Variants in ACBD3 observed in about 807,000 individuals in gnomAD.
ACBD3 encodes the protein Golgi resident protein GCP60.
In ACBD3, 30 loss-of-function variants were observed where a neutral mutation model predicts 66.9. The observed-to-expected ratio is 0.45, with a 90% CI of 0.34 to 0.61. The LOEUF (loss-of-function observed/expected upper bound fraction) is 0.61. ACBD3 is among the 20% of genes least tolerant of loss of function. The pLI, the probability that ACBD3 is intolerant of heterozygous loss-of-function variation, is 0.02. For synonymous variants in ACBD3, 278 were observed against 259.8 expected, an observed-to-expected ratio of 1.07 and a Z score of -0.68; for missense variants, 544 against 664.5, an observed-to-expected ratio of 0.82 and a Z score of 1.99.
At chr1:226,181,709 C>T (rs1048450679) in intron 1 of ACBD3, among the ~76,000 whole-genome samples, 1 of 152,118 alleles carries the variant, frequency 6.6e-6, no homozygotes, top group Non-Finnish European at 1.5e-5. Context: ...AATTATTACT[C>T]TGAAATCTTA....
At chr1:226,176,250 G>A (rs1000004133) in intron 1 of ACBD3, among the ~76,000 whole-genome samples, 27 of 151,930 alleles carry the variant, frequency 1.8e-4, no homozygotes, top group Admixed American at 6.6e-5. Flanking sequence ...ACATGGTGAA[G>A]CCCTGTCTCT....
intron 1 of ACBD3, 39 bp downstream of exon 1, chr1:226,186,351 C>T (rs1388842943): frequency 3.2e-5 from 47 of 1,474,686 alleles, no homozygotes; most frequent in Non-Finnish European, 4.0e-5. Context: ...GCTCCCGGGG[C>T]CGGGCAGAAG....
chr1:226,182,401 G>A (rs958671337), intron 1 of ACBD3, among the ~76,000 whole-genome samples: 2 of 152,024 alleles, frequency 1.3e-5, no homozygotes, highest in African/African-American at 4.8e-5. Flanking sequence ...GAGATCATTT[G>A]GGGTCAGTCC....
chr1:226,149,471 C>A (rs901210724), intron 7 of ACBD3, among the ~76,000 whole-genome samples: 1 of 148,548 alleles, frequency 6.7e-6, no homozygotes, highest in African/African-American at 2.5e-5. Flanking sequence ...AGGTGATTCA[C>A]CCACCTCAGG....
chr1:226,168,688 C>T (rs1225005583), intron 1 of ACBD3, among the ~76,000 whole-genome samples: 2 of 152,106 alleles, frequency 1.3e-5, no homozygotes, highest in South Asian at 2.1e-4. Flanking sequence ...ATGATGCTGG[C>T]GTTAAACTAA....
chr1:226,155,275 G>C (rs1346395885), intron 5 of ACBD3, among the ~76,000 whole-genome samples: 1 of 152,014 alleles, frequency 6.6e-6, no homozygotes, highest in Non-Finnish European at 1.5e-5. Context: ...AAATTAGCTG[G>C]GCATGGCAGC....
intron 1 of ACBD3, among the ~76,000 whole-genome samples, chr1:226,175,011 C>G (rs540665961): frequency 1.5e-4 from 22 of 145,546 alleles, no homozygotes; most frequent in African/African-American, 5.1e-4. Flanking sequence ...AGGAGAATCG[C>G]TTGAACCTGG....
intron 4 of ACBD3, 126 bp downstream of exon 4, chr1:226,161,405 G>A (rs534566600): frequency 2.5e-5 from 34 of 1,337,698 alleles, no homozygotes; most frequent in African/African-American, 1.5e-4. Context: ...TGATCTGCCC[G>A]CCTCCGCCTC....
rs1312515798 is a variant in ACBD3 at position 226,145,969 on chromosome 1, CT to C, written c.*640del. On this transcript the variant is annotated 3_prime_UTR_variant, in exon 8 of 8. Coordinates refer to ENST00000366812, the MANE Select transcript of ACBD3 (RefSeq NM_022735.4). Reference sequence around the variant, plus strand: ...CTGAGGTGTTCTACGTATCTTGATACTTCAATTATCAATTAGTTTTGAACAT... The same window carrying C: ...CTGAGGTGTTCTACGTATCTTGATACTCAATTATCAATTAGTTTTGAACAT... The C allele has an allele frequency of 5.9e-5, 9 of 152,614 alleles. No individual in the cohort carries two copies. Among genetic ancestry groups the C allele is most frequent in the Non-Finnish European group, 1.2e-4 (8 of 68,068 alleles). The allele number at this position is 152,614 out of a possible 1,614,324, so 9.5% of individuals were successfully genotyped here.
intron 1 of ACBD3, among the ~76,000 whole-genome samples, chr1:226,180,343 A>G (rs1321278781): frequency 6.6e-6 from 1 of 152,182 alleles, no homozygotes; most frequent in African/African-American, 2.4e-5. Flanking sequence ...CCTTTTCAAC[A>G]ACATAAGCAG....
At chr1:226,155,634 GC>G (rs1291753095) in intron 5 of ACBD3, among the ~76,000 whole-genome samples, 1 of 151,874 alleles carries the variant, frequency 6.6e-6, no homozygotes, top group Admixed American at 6.6e-5. Flanking sequence ...TCTGGTATGG[GC>G]CCCCAAAGCA....
At chr1:226,164,211 C>T (rs184083758) in intron 3 of ACBD3, among the ~76,000 whole-genome samples, 16 of 146,996 alleles carry the variant, frequency 1.1e-4, no homozygotes, top group African/African-American at 3.8e-4. Flanking sequence ...TTTAGATAGT[C>T]AAAATTGATG....
intron 1 of ACBD3, among the ~76,000 whole-genome samples, chr1:226,175,794 A>G (rs1215706443): frequency 1.3e-5 from 2 of 152,230 alleles, no homozygotes; most frequent in Admixed American, 1.3e-4. Context: ...TTCATTATAA[A>G]TGTTGTAGTC....
chr1:226,165,898 G>C lies in ACBD3; in HGVS notation c.389C>G (p.Pro130Arg). The change falls in exon 2 of 8, where the codon CCT (proline) becomes CGT (arginine). Residue 130 changes from proline to arginine, a missense_variant. Physicochemically the swap from Pro to Arg is moderately radical, Grantham distance 103 (BLOSUM62 -2). Coordinates refer to ENST00000366812, the MANE Select transcript of ACBD3 (RefSeq NM_022735.4). Reference sequence around the variant, plus strand: ...CAACACATCAAAGAATCCAACCTCAGGACAAGTGTCTGGATTATATGGGCC... The same window carrying C: ...CAACACATCAAAGAATCCAACCTCACGACAAGTGTCTGGATTATATGGGCC... ...LMGPYNPDTC[P>R]EVGFFDVLGN... 6.2e-7 allele frequency: 1 copy of C among 1,612,688 alleles called. No individual in the cohort carries two copies. The highest frequency in any genetic ancestry group is 1.1e-5 in the South Asian group (1 of 90,672).
intron 4 of ACBD3, among the ~76,000 whole-genome samples, chr1:226,161,086 C>T (rs2102780175): frequency 6.6e-6 from 1 of 152,050 alleles, no homozygotes; most frequent in South Asian, 2.1e-4. Context: ...CAAGCAACCT[C>T]AGCTCCTGCT....
chr1:226,146,442 C>T lies in ACBD3; in HGVS notation c.*168G>A, dbSNP rs1426856154. 2 of 630,502 alleles carry T rather than the reference C, an allele frequency of 3.2e-6. No individual in the cohort carries two copies. The highest frequency in any genetic ancestry group is 2.0e-5 in the South Asian group (1 of 50,056). The allele number at this position is 630,502 out of a possible 1,614,324, so 39.1% of individuals were successfully genotyped here. ...CTCCTTTAACCCCAAAGTATGAATGCTAAAGAGTCTCAAGGAAATTTTGAT... is the reference window on the plus strand; with the variant it reads ...CTCCTTTAACCCCAAAGTATGAATGTTAAAGAGTCTCAAGGAAATTTTGAT... On this transcript the variant is annotated 3_prime_UTR_variant, in exon 8 of 8. Transcript: ENST00000366812.
In ACBD3 at chr1:226,165,539, A is replaced by AT. The variant is rs562881491; in HGVS notation, c.428+319dup. 3.7e-4 allele frequency among the ~76,000 whole-genome samples: 56 copies of AT among 151,996 alleles called. No homozygotes were observed. The East Asian group carries it at 0.01, about 28-fold the overall frequency. On this transcript the variant is annotated intron_variant, in intron 2 of 7. Coordinates refer to ENST00000366812, the MANE Select transcript of ACBD3 (RefSeq NM_022735.4). The stretch of plus-strand genomic sequence containing the variant: ...CTCAATGTATTCTTTTTTTGTCACA[A>AT]TTTTTTTTATGCCTCAATAAGGGAA...
At chr1:226,157,937 G>A (rs1659705911) in intron 5 of ACBD3, among the ~76,000 whole-genome samples, 1 of 152,156 alleles carries the variant, frequency 6.6e-6, no homozygotes, top group African/African-American at 2.4e-5. Context: ...AAACAGGACA[G>A]AGTGTATGTG....
At chr1:226,170,676 A>G (rs1478538242) in intron 1 of ACBD3, among the ~76,000 whole-genome samples, 1 of 152,130 alleles carries the variant, frequency 6.6e-6, no homozygotes, top group African/African-American at 2.4e-5. Flanking sequence ...AGTGGATATG[A>G]AAAAAATTTT....
Sources: allele counts gnomAD v4.1 joint callset (sites outside exome capture counted in the v4.1 genomes callset), GRCh38; gene constraint gnomAD v4.1.1; transcripts MANE v1.5; gene names NCBI Gene and HGNC (gene_info 2026-07-23, HGNC 2026-07-21).